LRRC4C: variants seen among roughly 807,000 people sequenced by gnomAD.
The protein encoded by LRRC4C is leucine-rich repeat-containing protein 4C.
A neutral mutation model predicts 33.6 loss-of-function variants in LRRC4C; 5 were observed. That is an observed-to-expected ratio of 0.15 (90% CI 0.08 to 0.31). The LOEUF (loss-of-function observed/expected upper bound fraction) is 0.31, where lower values mean the gene tolerates loss of function less well. Ranked by LOEUF, LRRC4C falls within the 10% of genes least tolerant of loss-of-function variation. The pLI, the probability that LRRC4C is intolerant of heterozygous loss-of-function variation, is 1.00. For missense variants in LRRC4C, 560 were observed against 796.7 expected (o/e 0.70, Z 3.58); for synonymous variants, 329 against 302.0 (o/e 1.09, Z -0.93).
At chr11:41,106,156 T>C (rs983217849) in intron 1 of LRRC4C, among the ~76,000 whole-genome samples, 3 of 152,100 alleles carry the variant, frequency 2.0e-5, no homozygotes, top group Admixed American at 2.0e-4. Flanking sequence ...CTTAGGTCCC[T>C]GAGTTCTTAG....
At chr11:40,448,905 C>T (rs2138054496) in intron 3 of LRRC4C, among the ~76,000 whole-genome samples, 1 of 152,322 alleles carries the variant, frequency 6.6e-6, no homozygotes, top group South Asian at 2.1e-4. Flanking sequence ...TCCCCTTTAG[C>T]ATCTGTTGTT....
At chr11:40,629,361 T>C (rs1963256233) in intron 3 of LRRC4C, among the ~76,000 whole-genome samples, 2 of 152,146 alleles carry the variant, frequency 1.3e-5, no homozygotes, top group African/African-American at 4.8e-5. Context: ...GAGATTCTCA[T>C]GCCCTTGAAA....
chr11:40,901,995 TCTCTACACACACACAC>T (rs1455794395), intron 2 of LRRC4C, among the ~76,000 whole-genome samples: 4 of 141,346 alleles, frequency 2.8e-5, no homozygotes, highest in African/African-American at 1.1e-4. Context: ...TCTCTCTCTC[TCTCTACACACACACAC>T]ACACACACAC....
At chr11:41,309,110 C>T (rs1212992149) in intron 1 of LRRC4C, among the ~76,000 whole-genome samples, 2 of 152,210 alleles carry the variant, frequency 1.3e-5, no homozygotes, top group Non-Finnish European at 2.9e-5. Context: ...AGAGACTTGG[C>T]TGCTGCAGAA....
intron 2 of LRRC4C, among the ~76,000 whole-genome samples, chr11:40,712,823 C>T (rs991557889): frequency 6.6e-6 from 1 of 151,706 alleles, no homozygotes; most frequent in African/African-American, 2.4e-5. Flanking sequence ...AGCATTCATC[C>T]CAAAGTCATA....
At chr11:41,429,805 C>A (rs1040865744) in intron 1 of LRRC4C, among the ~76,000 whole-genome samples, 1 of 151,982 alleles carries the variant, frequency 6.6e-6, no homozygotes, top group African/African-American at 2.4e-5. Flanking sequence ...CTCAATCAAC[C>A]TTTAAAACAA....
At chr11:40,821,164 G>C (rs1293457033) in intron 2 of LRRC4C, among the ~76,000 whole-genome samples, 1 of 151,534 alleles carries the variant, frequency 6.6e-6, no homozygotes, top group Non-Finnish European at 1.5e-5. Context: ...TATATAAATG[G>C]AGATGTATTT....
intron 5 of LRRC4C, among the ~76,000 whole-genome samples, chr11:40,213,691 C>G (rs903041587): frequency 1.3e-5 from 2 of 152,098 alleles, no homozygotes; most frequent in Admixed American, 1.3e-4. Flanking sequence ...GATAATCTCC[C>G]TACTCAGAGA....
At chr11:40,749,246 C>A (rs1199061962) in intron 2 of LRRC4C, among the ~76,000 whole-genome samples, 2 of 151,956 alleles carry the variant, frequency 1.3e-5, no homozygotes, top group African/African-American at 4.8e-5. Flanking sequence ...TCAACATTTA[C>A]TTTAAGTGAA....
chr11:40,996,075 T>C (rs1330938388), intron 1 of LRRC4C, among the ~76,000 whole-genome samples: 1 of 152,190 alleles, frequency 6.6e-6, no homozygotes, highest in Non-Finnish European at 1.5e-5. Context: ...TAATATTCTT[T>C]GTGTTCATGA....
chr11:40,294,656 G>A (rs561959563), intron 4 of LRRC4C, among the ~76,000 whole-genome samples: 9 of 151,868 alleles, frequency 5.9e-5, no homozygotes, highest in African/African-American at 2.2e-4. Flanking sequence ...GTGAAACCCC[G>A]TCCCTACTAA....
intron 1 of LRRC4C, among the ~76,000 whole-genome samples, chr11:41,043,449 A>G (rs1043696775): frequency 2.0e-5 from 3 of 152,194 alleles, no homozygotes; most frequent in Non-Finnish European, 2.9e-5. Context: ...TGTTGCTGCT[A>G]TTGTTCAAAT....
At chr11:40,307,766 T>C (rs564490695) in intron 4 of LRRC4C, among the ~76,000 whole-genome samples, 6 of 152,266 alleles carry the variant, frequency 3.9e-5, no homozygotes, top group African/African-American at 1.2e-4. Flanking sequence ...ACGAAACAAA[T>C]GACTTATTAT....
intron 1 of LRRC4C, among the ~76,000 whole-genome samples, chr11:41,172,094 A>G (rs1945001897): frequency 6.6e-6 from 1 of 152,266 alleles, no homozygotes; most frequent in East Asian, 1.9e-4. Flanking sequence ...AGATGACTCA[A>G]ATTAGCCTAG....
intron 1 of LRRC4C, among the ~76,000 whole-genome samples, chr11:41,286,400 T>C (rs555834874): frequency 1.6e-3 from 240 of 152,282 alleles, no homozygotes; most frequent in African/African-American, 5.7e-3. Context: ...AATGTATTTA[T>C]TTTTATACTT....
At chr11:41,335,056 C>A (rs1388272344) in intron 1 of LRRC4C, among the ~76,000 whole-genome samples, 1 of 152,156 alleles carries the variant, frequency 6.6e-6, no homozygotes, top group Non-Finnish European at 1.5e-5. Flanking sequence ...CTGGTAACAC[C>A]TCCAAACACC....
At chr11:41,259,795 T>G (rs980620766) in intron 1 of LRRC4C, among the ~76,000 whole-genome samples, 1 of 152,022 alleles carries the variant, frequency 6.6e-6, no homozygotes, top group Non-Finnish European at 1.5e-5. Flanking sequence ...TCTTGCAAAG[T>G]GTAGTAAGAT....
At chr11:40,636,961 A>T (rs1420582199) in intron 3 of LRRC4C, among the ~76,000 whole-genome samples, 1 of 152,142 alleles carries the variant, frequency 6.6e-6, no homozygotes, top group East Asian at 1.9e-4. Flanking sequence ...TCTTCAGTTG[A>T]CAACATTGCA....
chr11:40,634,428 A>G (rs1495312), intron 3 of LRRC4C, among the ~76,000 whole-genome samples: 115,151 of 152,122 alleles, frequency 0.76, 44,357 homozygotes, highest in African/African-American at 0.9. Flanking sequence ...TTAAATAAAT[A>G]TTGTTTCCTC....
Sources: allele counts gnomAD v4.1 joint callset (sites outside exome capture counted in the v4.1 genomes callset), GRCh38; gene constraint gnomAD v4.1.1; transcripts MANE v1.5; gene names NCBI Gene and HGNC (gene_info 2026-07-23, HGNC 2026-07-21).